Variants in PLEKHG7 observed in about 807,000 individuals in gnomAD.
PLEKHG7 encodes pleckstrin homology and RhoGEF domain containing G7, also known as pleckstrin homology domain-containing family G member 7.
Under a neutral mutation model 85.2 loss-of-function variants are expected in PLEKHG7, and 77 were observed. The observed-to-expected ratio is 0.90, with a 90% CI of 0.75 to 1.09. The LOEUF is 1.09. Ranked by LOEUF, PLEKHG7 falls within the 50% of genes least tolerant of loss-of-function variation. The probability of loss-of-function intolerance (pLI) is 0.00; values close to 1 mark genes in which losing one functional copy is unlikely to be tolerated. For missense variants in PLEKHG7, 777 were observed against 804.3 expected (o/e 0.97, Z 0.41); for synonymous variants, 301 against 302.4 (o/e 1.00, Z 0.05).
Position 92,706,747 on chromosome 12 carries a change from G to T in PLEKHG7, c.116G>T (p.Arg39Leu), listed in dbSNP as rs749423311. Residue 39 changes from arginine (R) to leucine (L), a missense_variant, in exon 2 of 17, where the codon CGG becomes CTG. Arg to Leu is a moderately radical substitution (Grantham distance 102). This residue lies in a region of PLEKHG7 where 252 missense variants were observed against 241.9 expected (regional missense o/e 1.04). Coordinates refer to ENST00000344636, the MANE Select transcript of PLEKHG7 (RefSeq NM_001377329.1). Reference protein sequence around the residue: ...KNQGSLLQFDRQAPGRISTSP... With the variant: ...KNQGSLLQFDLQAPGRISTSP... ...CAGGGGAGTCTCCTCCAGTTTGACC[G>T]GCAAGCCCCAGGCCGCATCTCCACC... 6.2e-7 allele frequency: 1 copy of T among 1,613,902 alleles called. No individual in the cohort carries two copies. The highest frequency in any genetic ancestry group is 1.1e-5 in the South Asian group (1 of 91,082).
At chr12:92,765,629 C>CA (rs1253858910) in intron 15 of PLEKHG7, among the ~76,000 whole-genome samples, 14,689 of 118,464 alleles carry the variant, frequency 0.12, 1,004 homozygotes, top group Non-Finnish European at 0.18. Context: ...AACTCCATCT[C>CA]AAAAAAAAAA....
rs934414758 is a variant in PLEKHG7 at position 92,735,730 on chromosome 12, A to G, written c.700-752A>G. 1.1e-4 allele frequency among the ~76,000 whole-genome samples: 16 copies of G among 152,360 alleles called. No homozygotes were observed. The East Asian group carries it at 2.3e-3, about 22-fold the overall frequency. Reference sequence around the variant, plus strand: ...GTTCACAATATAAGCTTAAAAAGCAAGTTGCAAAAGGATGTGTAAATATGG... The same window carrying G: ...GTTCACAATATAAGCTTAAAAAGCAGGTTGCAAAAGGATGTGTAAATATGG... On this transcript the variant is annotated intron_variant, in intron 5 of 16. Coordinates refer to ENST00000344636, the MANE Select transcript of PLEKHG7 (RefSeq NM_001377329.1).
At chr12:92,705,797 A>G (rs547562530) in intron 1 of PLEKHG7, among the ~76,000 whole-genome samples, 1 of 152,356 alleles carries the variant, frequency 6.6e-6, no homozygotes, top group South Asian at 2.1e-4. Flanking sequence ...CCATGAATCA[A>G]GCTGTGAAAT....
In PLEKHG7 at chr12:92,741,565, A is replaced by G; in HGVS notation, c.1110A>G (p.Ser370=). 1 of 1,613,112 alleles carries G rather than the reference A, an allele frequency of 6.2e-7. No homozygotes were observed. Among genetic ancestry groups the G allele is most frequent in the South Asian group, 1.1e-5 (1 of 90,932 alleles). ...DYVDASEISS[S]LDFISVLTKY... ...TAGACGCTTCTGAGATTTCCTCATC[A>G]CTGGATTTTATTTCCGTGCTCACAA... The change falls in exon 9 of 17, where the codon TCA becomes TCG. Residue 370 remains serine (S), a synonymous_variant. Coordinates refer to ENST00000344636, the MANE Select transcript of PLEKHG7 (RefSeq NM_001377329.1).
At position 92,741,416 on chromosome 12, in the gene PLEKHG7, C is replaced by A. The variant is rs57945538; in HGVS notation, c.1036-75C>A. 287 of 911,128 alleles carry A rather than the reference C, an allele frequency of 3.1e-4. No homozygotes were observed. The East Asian group carries it at 7.3e-3, about 23-fold the overall frequency. 56.4% of individuals were successfully genotyped at this position (911,128 alleles called of 1,614,324 possible). On this transcript the variant is annotated intron_variant, in intron 8 of 16. Transcript: ENST00000344636. ...ATGGGAAACACCTGTAAGAATGATACTTGAAGTTCAACAAATGTTTATTCC... is the reference window on the plus strand; with the variant it reads ...ATGGGAAACACCTGTAAGAATGATAATTGAAGTTCAACAAATGTTTATTCC...
Position 92,745,554 on chromosome 12 carries a change from G to T in PLEKHG7, c.1214G>T (p.Ser405Ile). 2 of 1,613,880 alleles carry T rather than the reference G, an allele frequency of 1.2e-6. No homozygotes were observed. Among genetic ancestry groups the T allele is most frequent in the Non-Finnish European group, 1.7e-6 (2 of 1,179,814 alleles). Residue 405 changes from serine (S) to isoleucine (I), a missense_variant, in exon 10 of 17, where the codon AGC becomes ATC. By Grantham distance (142) the Ser-to-Ile change is moderately radical. This residue lies in a region of PLEKHG7 where 520 missense variants were observed against 544.0 expected (regional missense o/e 0.96). Coordinates refer to ENST00000344636, the MANE Select transcript of PLEKHG7 (RefSeq NM_001377329.1). Reference sequence around the variant, plus strand: ...TCAGCTGCTATCTTTTATCTTGAGAGCCTGAGGCAGAGAGATGACTTTGGA... The same window carrying T: ...TCAGCTGCTATCTTTTATCTTGAGATCCTGAGGCAGAGAGATGACTTTGGA... ...NYSAAIFYLESLRQRDDFGIY... is the reference protein window; with the variant it reads ...NYSAAIFYLEILRQRDDFGIY...
intron 9 of PLEKHG7, among the ~76,000 whole-genome samples, chr12:92,743,840 G>A (rs938253512): frequency 6.6e-5 from 10 of 152,176 alleles, no homozygotes; most frequent in Admixed American, 3.3e-4. Flanking sequence ...GATTACAGGC[G>A]CAAGTCACCG....
At chr12:92,740,988 G>A (rs763179318) in intron 8 of PLEKHG7, 40 bp downstream of exon 8, 1 of 1,403,430 alleles carries the variant, frequency 7.1e-7, no homozygotes, top group South Asian at 1.2e-5. Flanking sequence ...ACATTCACTA[G>A]AGGACCATGA....
chr12:92,770,045 C>T, intron 16 of PLEKHG7, 43 bp from the exon 17 acceptor site: 1 of 1,275,756 alleles, frequency 7.8e-7, no homozygotes, highest in Non-Finnish European at 1.1e-6. Flanking sequence ...GTCAGCTTAA[C>T]ATTCTAATCT....
intron 13 of PLEKHG7, among the ~76,000 whole-genome samples, chr12:92,756,606 T>C (rs1356515584): frequency 1.3e-5 from 2 of 152,210 alleles, no homozygotes; most frequent in African/African-American, 4.8e-5. Flanking sequence ...CTCTCTGTAA[T>C]GGGATAACTC....
rs1314865880 is a variant in PLEKHG7, at chr12:92,764,104, A to C, written c.1780A>C (p.Ile594Leu). The change falls in exon 15 of 17, where the codon ATA (isoleucine) becomes CTA (leucine). Residue 594 changes from isoleucine (I) to leucine (L), a missense_variant. This residue lies in a region of PLEKHG7 where 520 missense variants were observed against 544.0 expected (regional missense o/e 0.96). Transcript: ENST00000344636. ...TCTTACTCCTGAGTTGCAAGCAGTA[A>C]TAAAAGAGGGTGGTTCGTGTACAGT... ...PSLTPELQAVIKEGGSCTVLD... is the reference protein window; with the variant it reads ...PSLTPELQAVLKEGGSCTVLD... 1 of 1,613,414 alleles carries C rather than the reference A, an allele frequency of 6.2e-7. No individual in the cohort carries two copies.
At chr12:92,710,863 C>G (rs1015293854) in intron 3 of PLEKHG7, among the ~76,000 whole-genome samples, 2 of 152,140 alleles carry the variant, frequency 1.3e-5, no homozygotes, top group African/African-American at 4.8e-5. Flanking sequence ...GTCCACAGAA[C>G]GGGTCATCCT....
At chr12:92,710,812 C>T (rs560846705) in intron 3 of PLEKHG7, among the ~76,000 whole-genome samples, 3 of 152,180 alleles carry the variant, frequency 2.0e-5, no homozygotes, top group South Asian at 2.1e-4. Context: ...ATGGGCCCAT[C>T]GGGCAATGAC....
chr12:92,728,400 C>T (rs1871883001), intron 3 of PLEKHG7, among the ~76,000 whole-genome samples: 1 of 100,166 alleles, frequency 1.0e-5, no homozygotes, highest in African/African-American at 3.8e-5. Context: ...TATATACACA[C>T]CACATTCCAT....
At chr12:92,767,391 G>A (rs531831995) in intron 15 of PLEKHG7, among the ~76,000 whole-genome samples, 13 of 152,204 alleles carry the variant, frequency 8.5e-5, no homozygotes, top group African/African-American at 2.9e-4. Context: ...AGTTTTTGAG[G>A]AAAATGAATT....
At chr12:92,713,192 C>A (rs1317511042) in intron 3 of PLEKHG7, among the ~76,000 whole-genome samples, 1 of 152,204 alleles carries the variant, frequency 6.6e-6, no homozygotes, top group African/African-American at 2.4e-5. Flanking sequence ...GGGGACCTGG[C>A]CTTCCCTTTA....
At chr12:92,731,597 A>G (rs192689794) in intron 4 of PLEKHG7, among the ~76,000 whole-genome samples, 149 of 152,336 alleles carry the variant, frequency 9.8e-4, no homozygotes, top group Non-Finnish European at 1.5e-3. Context: ...CTAGAATCCA[A>G]TCGAATCTCT....
chr12:92,722,544 C>A (rs1312252284), intron 3 of PLEKHG7, among the ~76,000 whole-genome samples: 1 of 152,118 alleles, frequency 6.6e-6, no homozygotes, highest in African/African-American at 2.4e-5. Context: ...TGGATCAAGC[C>A]GTTCACAAGC....
At chr12:92,715,252 T>G (rs1490580691) in intron 3 of PLEKHG7, among the ~76,000 whole-genome samples, 1 of 151,994 alleles carries the variant, frequency 6.6e-6, no homozygotes, top group African/African-American at 2.4e-5. Context: ...TCTCAGATCT[T>G]CACGTTTTTC....
Sources: allele counts gnomAD v4.1 joint callset (sites outside exome capture counted in the v4.1 genomes callset), GRCh38; gene constraint gnomAD v4.1.1; regional missense constraint gnomAD v4.1.1; transcripts MANE v1.5; gene names NCBI Gene and HGNC (gene_info 2026-07-23, HGNC 2026-07-21).